The following LRP10 variants were observed in gnomAD, a reference collection of about 807,000 sequenced individuals.
LRP10 encodes the protein low-density lipoprotein receptor-related protein 10.
Under a neutral mutation model 58.5 loss-of-function variants are expected in LRP10, and 42 were observed. That is an observed-to-expected ratio of 0.72 (90% CI 0.56 to 0.93). The LOEUF (loss-of-function observed/expected upper bound fraction) is 0.93. LRP10 is among the 40% of genes least tolerant of loss of function. The pLI is 0.00. For synonymous variants in LRP10, 377 were observed against 388.5 expected (o/e 0.97, Z 0.35); for missense variants, 872 against 940.1 (o/e 0.93, Z 0.95).
In LRP10 at chr14:22,876,990, T is replaced by C. The variant is rs982915509; in HGVS notation, c.1605T>C (p.Asp535=). The change falls in exon 7 of 7, where the codon GAT becomes GAC. Residue 535 remains aspartate, a synonymous_variant. Transcript: ENST00000359591. Reference sequence around the variant, plus strand: ...CTCTGCTACAGATCTTACGCCAGGATATGACTCCAGGAGGTGGCCCAGGTG... The same window carrying C: ...CTCTGCTACAGATCTTACGCCAGGACATGACTCCAGGAGGTGGCCCAGGTG... The part of the protein sequence containing the change: ...LRSLLQILRQ[D]MTPGGGPGAR... The C allele has an allele frequency of 2.5e-6, 4 of 1,607,212 alleles. No individual in the cohort carries two copies. The highest frequency in any genetic ancestry group is 3.4e-6 in the Non-Finnish European group (4 of 1,176,564).
At chr14:22,876,399 A>C (rs2040007016) in intron 5 of LRP10, 27 bp downstream of exon 5, 1 of 1,608,716 alleles carries the variant, frequency 6.2e-7, no homozygotes, top group Non-Finnish European at 8.5e-7. Flanking sequence ...CTGGCAGTAG[A>C]AGAGTAGACC....
Position 22,877,474 on chromosome 14 carries a change from G to T in LRP10, c.2089G>T (p.Ala697Ser). 6.2e-7 allele frequency: 1 copy of T among 1,612,208 alleles called. No individual in the cohort carries two copies. Among genetic ancestry groups the T allele is most frequent in the East Asian group, 2.2e-5 (1 of 44,866 alleles). Residue 697 changes from alanine to serine, a missense_variant, in exon 7 of 7, where the codon GCT (alanine) becomes TCT (serine). Physicochemically the swap from Ala to Ser is moderately conservative, Grantham distance 99. Transcript: ENST00000359591. The surrounding 1 kb of genome is among the most constrained non-coding windows in gnomAD (Gnocchi z 5.1). ...GGACGATGTGCTACTGGTGCCACTG[G>T]CTGAGCCGGGGGTGTGGGTAGCTGA... ...DEDDVLLVPLAEPGVWVAEAE... is the reference protein window; with the variant it reads ...DEDDVLLVPLSEPGVWVAEAE...
In LRP10 at chr14:22,872,318, C is replaced by G. The variant is rs778038384; in HGVS notation, c.15C>G (p.Thr5=). ...GACAGCCCAGGATGCTGTTGGCCAC[C>G]CTCCTCCTCCTCCTCCTTGGTAAGA... MLLA[T]LLLLLLGGAL... The change falls in exon 1 of 7, where the codon ACC becomes ACG. Residue 5 remains threonine (T), a synonymous_variant. Transcript: ENST00000359591. The G allele has an allele frequency of 2.0e-5, 30 of 1,525,894 alleles. 1 individual carries two copies. Among genetic ancestry groups the G allele is most frequent in the Middle Eastern group, 1.7e-4 (1 of 5,796 alleles). The allele number at this position is 1,525,894 out of a possible 1,614,324, so 94.5% of individuals were successfully genotyped here.
Position 22,876,266 on chromosome 14 carries a change from A to G in LRP10, c.1318A>G (p.Lys440Glu), listed in dbSNP as rs2040005285. Residue 440 changes from lysine (K) to glutamate (E), a missense_variant, in exon 5 of 7, where the codon AAG becomes GAG. Coordinates refer to ENST00000359591, the MANE Select transcript of LRP10 (RefSeq NM_014045.5). ...GGACTGCTCCTATGTTCTGCCCCGCAAGGTCATTACAGCTGCAGTCATTGG... is the reference window on the plus strand; with the variant it reads ...GGACTGCTCCTATGTTCTGCCCCGCGAGGTCATTACAGCTGCAGTCATTGG... The part of the protein sequence containing the change: ...EWDCSYVLPR[K>E]VITAAVIGSL... The G allele has an allele frequency of 1.9e-6, 3 of 1,614,172 alleles. No homozygotes were observed. The highest frequency in any genetic ancestry group is 2.5e-6 in the Non-Finnish European group (3 of 1,180,034).
chr14:22,874,540 C>A (rs1181806265), intron 3 of LRP10, among the ~76,000 whole-genome samples: 1 of 152,160 alleles, frequency 6.6e-6, no homozygotes, highest in Non-Finnish European at 1.5e-5. Flanking sequence ...CATGGCGATA[C>A]CATGAGGTAT....
chr14:22,872,362 C>A (rs1049639134), intron 1 of LRP10, 25 bp downstream of exon 1: 1 of 1,613,824 alleles, frequency 6.2e-7, no homozygotes, highest in African/African-American at 1.3e-5. Flanking sequence ...GATACCAACC[C>A]CCAGCCTTCT....
At chr14:22,874,014 T>G (rs1325100399) in intron 3 of LRP10, among the ~76,000 whole-genome samples, 8 of 152,352 alleles carry the variant, frequency 5.3e-5, no homozygotes, top group Non-Finnish European at 1.2e-4. Context: ...GAGGCCCCTC[T>G]GCAAACGGTC....
In LRP10 at chr14:22,871,899, G is replaced by A. The variant is rs775535542; in HGVS notation, c.-405G>A. On this transcript the variant is annotated 5_prime_UTR_variant, in exon 1 of 7. Coordinates refer to ENST00000359591, the MANE Select transcript of LRP10 (RefSeq NM_014045.5). ...GGAGCAGCACCCGGCCGGCCCTGGGGGCTGACAGTCGGCAAAGTTTGGCCC... is the reference window on the plus strand; with the variant it reads ...GGAGCAGCACCCGGCCGGCCCTGGGAGCTGACAGTCGGCAAAGTTTGGCCC... 2.1e-3 allele frequency: 573 copies of A among 277,578 alleles called. 1 individual carries two copies. Among genetic ancestry groups the A allele is most frequent in the Non-Finnish European group, 3.1e-3 (455 of 144,846 alleles). The allele number at this position is 277,578 out of a possible 1,614,324, so 17.2% of individuals were successfully genotyped here. A position where few individuals can be genotyped will look rare whatever the true frequency, so the allele number is the denominator to read the frequency against.
chr14:22,876,652 G>C (rs200945002), intron 5 of LRP10, 37 bp from the exon 6 acceptor site: 37 of 1,605,202 alleles, frequency 2.3e-5, no homozygotes, highest in Non-Finnish European at 3.4e-6. Context: ...CTCTGGCCGA[G>C]AACTACCAGT....
Position 22,876,734 on chromosome 14 carries a change from G to A in LRP10, c.1470G>A (p.Gln490=). The A allele has an allele frequency of 6.2e-7, 1 of 1,614,028 alleles. No individual in the cohort carries two copies. Among genetic ancestry groups the A allele is most frequent in the South Asian group, 1.1e-5 (1 of 91,090 alleles). Residue 490 remains glutamine (Q), a synonymous_variant, in exon 6 of 7, where the codon CAG becomes CAA. Coordinates refer to ENST00000359591, the MANE Select transcript of LRP10 (RefSeq NM_014045.5). ...GGATGGAGGCTGAGATTGTGCAGCA[G>A]CAGGCACCCCCTTCCTACGGGCAGC... is the stretch of plus-strand genomic sequence containing the variant. ...LSRMEAEIVQ[Q]QAPPSYGQLI... is the part of the protein sequence containing the mutation.
At position 22,878,074 on chromosome 14, in the gene LRP10, A is replaced by G. The variant is rs943518147; in HGVS notation, c.*547A>G. On this transcript the variant is annotated 3_prime_UTR_variant, in exon 7 of 7. Coordinates refer to ENST00000359591, the MANE Select transcript of LRP10 (RefSeq NM_014045.5). The stretch of plus-strand genomic sequence containing the variant: ...TTGAGGTCAAAAATAAAGGAATCAT[A>G]CATCTCAAAATTTTGCAAATTAGCT... The G allele has an allele frequency of 2.6e-5, 4 of 152,370 alleles. No homozygotes were observed. Among genetic ancestry groups the G allele is most frequent in the African/African-American group, 7.2e-5 (3 of 41,456 alleles). 9.4% of individuals were successfully genotyped at this position (152,370 alleles called of 1,614,324 possible).
Position 22,876,312 on chromosome 14 carries a change from T to C in LRP10, c.1364T>C (p.Leu455Pro). Residue 455 changes from leucine to proline, a missense_variant, in exon 5 of 7, where the codon CTC becomes CCC. Physicochemically the swap from Leu to Pro is moderately conservative, Grantham distance 98. Transcript: ENST00000359591. ...AVIGSLVCGLLLVIALGCTCK... is the reference protein window; with the variant it reads ...AVIGSLVCGLPLVIALGCTCK... Reference sequence around the variant, plus strand: ...ATTGGCAGCCTAGTGTGCGGCCTGCTCCTGGTCATCGCCCTGGGCTGCACC... The same window carrying C: ...ATTGGCAGCCTAGTGTGCGGCCTGCCCCTGGTCATCGCCCTGGGCTGCACC... 1 of 1,614,088 alleles carries C rather than the reference T, an allele frequency of 6.2e-7. No individual in the cohort carries two copies. The highest frequency in any genetic ancestry group is 8.5e-7 in the Non-Finnish European group (1 of 1,180,036).
In LRP10 at chr14:22,877,671, C is replaced by T. The variant is rs541787027; in HGVS notation, c.*144C>T. 8.5e-5 allele frequency: 52 copies of T among 609,064 alleles called. No homozygotes were observed. The African/African-American group carries it at 9.3e-4, about 11-fold the overall frequency. 37.7% of individuals were successfully genotyped at this position (609,064 alleles called of 1,614,324 possible). ...GGACTTGGTGGGCCTCCCGTTGACCCTATGTAGCTGCTATAAAGTTAAGTG... is the reference window on the plus strand; with the variant it reads ...GGACTTGGTGGGCCTCCCGTTGACCTTATGTAGCTGCTATAAAGTTAAGTG... On this transcript the variant is annotated 3_prime_UTR_variant, in exon 7 of 7. Coordinates refer to ENST00000359591, the MANE Select transcript of LRP10 (RefSeq NM_014045.5). The surrounding 1 kb of genome is among the most constrained non-coding windows in gnomAD (Gnocchi z 5.1).
chr14:22,874,924 T>G, intron 3 of LRP10, 131 bp from the exon 4 acceptor site: 1 of 517,812 alleles, frequency 1.9e-6, no homozygotes, highest in South Asian at 5.2e-5. Context: ...GAGTTTTCAT[T>G]TGGCCATTTA....
rs2040004909 is a variant in LRP10, at chr14:22,876,236, G to C, written c.1288G>C (p.Glu430Gln). Residue 430 changes from glutamate (E) to glutamine (Q), a missense_variant, in exon 5 of 7, where the codon GAG (glutamate) becomes CAG (glutamine). Coordinates refer to ENST00000359591, the MANE Select transcript of LRP10 (RefSeq NM_014045.5). ...GCCAGACTGTGCGGACGGCAGTGAT[G>C]AGTGGGACTGCTCCTATGTTCTGCC... ...GQPDCADGSD[E>Q]WDCSYVLPRK... is the part of the protein sequence containing the mutation. 5 of 1,614,218 alleles carry C rather than the reference G, an allele frequency of 3.1e-6. No homozygotes were observed. Among genetic ancestry groups the C allele is most frequent in the Non-Finnish European group, 4.2e-6 (5 of 1,180,042 alleles).
intron 3 of LRP10, among the ~76,000 whole-genome samples, chr14:22,874,574 C>T (rs1247834678): frequency 2.0e-5 from 3 of 152,208 alleles, no homozygotes; most frequent in African/African-American, 7.2e-5. Flanking sequence ...GGAAGATCCC[C>T]ATTGACTACA....
chr14:22,872,502 C>T (rs2039965913), intron 1 of LRP10, among the ~76,000 whole-genome samples, 165 bp downstream of exon 1: 1 of 151,562 alleles, frequency 6.6e-6, no homozygotes, highest in African/African-American at 2.4e-5. Context: ...TTCAGCTGCT[C>T]CGCTGGGCCC....
Position 22,879,367 on chromosome 14 carries a change from G to A in LRP10, c.*1840G>A. 3.1e-6 allele frequency: 1 copy of A among 320,014 alleles called. No individual in the cohort carries two copies. The highest frequency in any genetic ancestry group is 6.6e-6 in the Non-Finnish European group (1 of 152,082). 19.8% of individuals were successfully genotyped at this position (320,014 alleles called of 1,614,324 possible). A position where few individuals can be genotyped will look rare whatever the true frequency, so the allele number is the denominator to read the frequency against. ...GGTTCTTGCTTACTGTTCTCCCTTT[G>A]GGCCCTCCTTCCCAAACGCAAACAA... On this transcript the variant is annotated 3_prime_UTR_variant, in exon 7 of 7. Coordinates refer to ENST00000359591, the MANE Select transcript of LRP10 (RefSeq NM_014045.5).
At chr14:22,876,538 A>C in intron 5 of LRP10, 151 bp from the exon 6 acceptor site, 5 of 1,311,590 alleles carry the variant, frequency 3.8e-6, no homozygotes, top group Non-Finnish European at 5.3e-6. Flanking sequence ...AGCAGTTTCA[A>C]GGGAGGAGGG....
Sources: gnomAD v4.1 joint callset for allele counts (sites outside exome capture counted in the v4.1 genomes callset) on GRCh38, gnomAD v4.1.1 for gene constraint, Gnocchi (gnomAD v3.1) non-coding constraint, MANE v1.5 for transcripts, NCBI Gene and HGNC (gene_info 2026-07-23, HGNC 2026-07-21) for gene names.